ARID5B: variants seen among roughly 807,000 people sequenced by gnomAD.
ARID5B encodes AT-rich interactive domain-containing protein 5B.
Under a neutral mutation model 97.2 loss-of-function variants are expected in ARID5B, and 13 were observed. The ratio of observed to expected loss-of-function variants is 0.13; its 90% CI spans 0.09 to 0.21. The LOEUF (loss-of-function observed/expected upper bound fraction) is 0.21, where lower values mean the gene tolerates loss of function less well. Among genes scored for constraint, ARID5B ranks in the 10% least tolerant of loss-of-function variants. The pLI is 1.00. For synonymous variants in ARID5B, 556 were observed against 570.3 expected (o/e 0.97, Z 0.36); for missense variants, 1,210 against 1,465.3 (o/e 0.83, Z 2.84).
chr10:62,095,904 T>C lies in ARID5B; in HGVS notation c.*2874T>C, dbSNP rs1840462945. 1 of 230,612 alleles carries C rather than the reference T, an allele frequency of 4.3e-6. No individual in the cohort carries two copies. Among genetic ancestry groups the C allele is most frequent in the East Asian group, 6.2e-5 (1 of 16,132 alleles). The allele number at this position is 230,612 out of a possible 1,614,324, so 14.3% of individuals were successfully genotyped here. A position where few individuals can be genotyped will look rare whatever the true frequency, so the allele number is the denominator to read the frequency against. On this transcript the variant is annotated 3_prime_UTR_variant, in exon 10 of 10. Transcript: ENST00000279873. ...TGGAGTCATAAATCTATTTACTGAG[T>C]GTGGCTTCCAAGAAATGTTGCAATT...
intron 2 of ARID5B, among the ~76,000 whole-genome samples, chr10:61,920,556 G>A (rs374640654): frequency 2.6e-5 from 4 of 151,680 alleles, no homozygotes; most frequent in Admixed American, 6.6e-5. Context: ...GGCTGGTCTC[G>A]AACTCCTGAC....
chr10:61,972,091 A>G (rs938992744), intron 3 of ARID5B, among the ~76,000 whole-genome samples: 2 of 152,142 alleles, frequency 1.3e-5, no homozygotes, highest in African/African-American at 2.4e-5. Flanking sequence ...AAACAGAAAG[A>G]AAAAAATTAT....
chr10:62,034,420 C>T (rs1839535666), intron 4 of ARID5B, among the ~76,000 whole-genome samples: 1 of 152,196 alleles, frequency 6.6e-6, no homozygotes, highest in Non-Finnish European at 1.5e-5. Context: ...GACATAGTTA[C>T]ATCCCCTCTG....
At chr10:61,976,869 T>A (rs893661976) in intron 3 of ARID5B, among the ~76,000 whole-genome samples, 3 of 152,074 alleles carry the variant, frequency 2.0e-5, no homozygotes, top group African/African-American at 7.2e-5. Flanking sequence ...TTTTTTTTTT[T>A]TTTATTATAC....
chr10:61,975,510 A>T (rs1366599362), intron 3 of ARID5B, among the ~76,000 whole-genome samples: 2 of 152,096 alleles, frequency 1.3e-5, no homozygotes, highest in East Asian at 3.8e-4. Context: ...CTCATTTACC[A>T]GCTGAGTCAT....
At chr10:62,034,020 A>T (rs981941927) in intron 4 of ARID5B, among the ~76,000 whole-genome samples, 1 of 152,196 alleles carries the variant, frequency 6.6e-6, no homozygotes, top group Admixed American at 6.5e-5. Context: ...GAAAGATGAC[A>T]TATCTTTTTT....
Position 61,902,153 on chromosome 10 carries a change from C to G in ARID5B, c.22-6C>G. On this transcript the variant is annotated splice_region_variant and splice_polypyrimidine_tract_variant and intron_variant, in intron 1 of 9. Coordinates refer to ENST00000279873, the MANE Select transcript of ARID5B (RefSeq NM_032199.3). ...ATTTATTTGGTGTTTTTTTCCCCCC[C>G]TGCAGTGGGTCGGCTCACCGTGTGG... The G allele has an allele frequency of 6.2e-7, 1 of 1,611,404 alleles. No individual in the cohort carries two copies. The highest frequency in any genetic ancestry group is 8.5e-7 in the Non-Finnish European group (1 of 1,179,490).
chr10:62,042,728 G>A (rs1476371022), intron 4 of ARID5B, among the ~76,000 whole-genome samples: 5 of 151,966 alleles, frequency 3.3e-5, no homozygotes, highest in African/African-American at 7.3e-5. Context: ...TGGCTAACAC[G>A]GTGAAACCCC....
intron 2 of ARID5B, among the ~76,000 whole-genome samples, chr10:61,937,817 G>A (rs747955984): frequency 1.3e-5 from 2 of 152,208 alleles, no homozygotes; most frequent in East Asian, 1.9e-4. Flanking sequence ...TGTGCACAAA[G>A]TAATGTTTCC....
At chr10:62,013,812 AT>A (rs1459082339) in intron 4 of ARID5B, among the ~76,000 whole-genome samples, 1 of 150,004 alleles carries the variant, frequency 6.7e-6, no homozygotes, top group Non-Finnish European at 1.5e-5. Context: ...ATATATATAT[AT>A]ATACCACATT....
chr10:62,092,525 T>G lies in ARID5B; in HGVS notation c.3062T>G (p.Leu1021Arg). 1 of 1,614,152 alleles carries G rather than the reference T, an allele frequency of 6.2e-7. No homozygotes were observed. Among genetic ancestry groups the G allele is most frequent in the South Asian group, 1.1e-5 (1 of 91,080 alleles). The change falls in exon 10 of 10, where the codon CTT becomes CGT. Residue 1021 changes from leucine (L) to arginine (R), a missense_variant. Around this residue, in one of 8 missense-constraint regions of ARID5B, gnomAD observed 800 missense variants for 839.1 expected, o/e 0.95. Coordinates refer to ENST00000279873, the MANE Select transcript of ARID5B (RefSeq NM_032199.3). ...PIKRSLEDLD[L>R]VIAGKKARAV... ...AAGCGCAGCCTGGAGGATTTGGACC[T>G]TGTGATTGCAGGGAAAAAGGCCCGG...
chr10:62,023,728 T>C (rs965122918), intron 4 of ARID5B, among the ~76,000 whole-genome samples: 2 of 152,218 alleles, frequency 1.3e-5, no homozygotes, highest in Non-Finnish European at 2.9e-5. Flanking sequence ...GCCTTACTTA[T>C]AAAATGAGTA....
At position 62,092,504 on chromosome 10, in the gene ARID5B, G is replaced by A. The variant is rs1236991649; in HGVS notation, c.3041G>A (p.Arg1014His). ...QNIGAARPIK[R>H]SLEDLDLVIA... is the part of the protein sequence containing the mutation. ...ATTGGGGCGGCGCGGCCGATCAAGC[G>A]CAGCCTGGAGGATTTGGACCTTGTG... The change falls in exon 10 of 10, where the codon CGC becomes CAC. Residue 1014 changes from arginine to histidine, a missense_variant. Physicochemically the swap from Arg to His is conservative, Grantham distance 29 (BLOSUM62 0). Around this residue, in one of 8 missense-constraint regions of ARID5B, gnomAD observed 800 missense variants for 839.1 expected, o/e 0.95. Coordinates refer to ENST00000279873, the MANE Select transcript of ARID5B (RefSeq NM_032199.3). 1 of 1,614,200 alleles carries A rather than the reference G, an allele frequency of 6.2e-7. No homozygotes were observed. Among genetic ancestry groups the A allele is most frequent in the Non-Finnish European group, 8.5e-7 (1 of 1,180,016 alleles).
intron 2 of ARID5B, among the ~76,000 whole-genome samples, chr10:61,937,161 GAATACA>G (rs1179435849): frequency 2.0e-5 from 3 of 152,206 alleles, no homozygotes; most frequent in African/African-American, 7.2e-5. Context: ...AAACTGGACT[GAATACA>G]ATGCAATAGG....
At chr10:61,951,203 A>G (rs935886744) in intron 3 of ARID5B, among the ~76,000 whole-genome samples, 9 of 152,254 alleles carry the variant, frequency 5.9e-5, no homozygotes, top group Non-Finnish European at 8.8e-5. Flanking sequence ...TATTTAGGAC[A>G]GACTGGAATA....
chr10:61,973,679 G>C (rs938946070), intron 3 of ARID5B, among the ~76,000 whole-genome samples: 2 of 152,152 alleles, frequency 1.3e-5, no homozygotes, highest in Non-Finnish European at 2.9e-5. Context: ...TTTATCTAAA[G>C]AGTATGGTTT....
intron 4 of ARID5B, among the ~76,000 whole-genome samples, chr10:62,021,062 A>G (rs1164466454): frequency 8.6e-6 from 1 of 116,404 alleles, no homozygotes; most frequent in Non-Finnish European, 2.0e-5. Flanking sequence ...ATATATATAT[A>G]TATATATCTC....
intron 7 of ARID5B, among the ~76,000 whole-genome samples, chr10:62,067,557 CAG>C: frequency 6.6e-6 from 1 of 152,376 alleles, no homozygotes; most frequent in South Asian, 2.1e-4. Context: ...ACAGCAGAAA[CAG>C]TGATTCCCAC....
chr10:61,971,427 T>C (rs898858215), intron 3 of ARID5B, among the ~76,000 whole-genome samples: 2 of 152,272 alleles, frequency 1.3e-5, no homozygotes, highest in African/African-American at 2.4e-5. Context: ...TGTAGCTGTC[T>C]TTGTTCCTTG....
Sources: gnomAD v4.1 joint callset for allele counts (sites outside exome capture counted in the v4.1 genomes callset) on GRCh38, gnomAD v4.1.1 for gene constraint, gnomAD v4.1.1 regional missense constraint, MANE v1.5 for transcripts, NCBI Gene and HGNC (gene_info 2026-07-23, HGNC 2026-07-21) for gene names.